INIP: variants seen among roughly 807,000 people sequenced by gnomAD.
The protein encoded by INIP is INTS3 and NABP interacting protein, also known as SOSS complex subunit C.
Under a neutral mutation model 14.0 loss-of-function variants are expected in INIP, and 9 were observed. That is an observed-to-expected ratio of 0.64 (90% CI 0.39 to 1.12). The LOEUF (loss-of-function observed/expected upper bound fraction) is 1.12, where lower values mean the gene tolerates loss of function less well. Ranked by LOEUF, INIP falls within the 50% of genes most tolerant of loss-of-function variation. The pLI, the probability that INIP is intolerant of heterozygous loss-of-function variation, is 0.01. For missense variants in INIP, 78 were observed against 122.7 expected, an observed-to-expected ratio of 0.64 and a Z score of 1.72; for synonymous variants, 37 against 41.5, an observed-to-expected ratio of 0.89 and a Z score of 0.41.
intron 2 of INIP, 43 bp downstream of exon 2, chr9:112,716,418 A>G: frequency 6.4e-7 from 1 of 1,559,608 alleles, no homozygotes; most frequent in Non-Finnish European, 8.8e-7. Context: ...CATTTACTAT[A>G]TTGGGGAAAT....
At chr9:112,702,711 C>T (rs1243169543) in intron 2 of INIP, among the ~76,000 whole-genome samples, 5 of 152,042 alleles carry the variant, frequency 3.3e-5, no homozygotes, top group South Asian at 2.1e-4. Flanking sequence ...ACTACAGGCA[C>T]GTGCCACCAC....
At chr9:112,716,829 C>T (rs1222747072) in intron 1 of INIP, among the ~76,000 whole-genome samples, 1 of 151,842 alleles carries the variant, frequency 6.6e-6, no homozygotes, top group Admixed American at 6.6e-5. Flanking sequence ...GTGGCAAGCG[C>T]CTGCAGTCCC....
intron 4 of INIP, 50 bp downstream of exon 4, chr9:112,689,477 G>A: frequency 7.1e-7 from 1 of 1,408,134 alleles, no homozygotes; most frequent in Non-Finnish European, 1.0e-6. Context: ...GCCGGCTTCT[G>A]AGATCCAGGA....
intron 2 of INIP, among the ~76,000 whole-genome samples, chr9:112,697,098 T>C (rs758030724): frequency 2.0e-5 from 3 of 152,184 alleles, no homozygotes; most frequent in Non-Finnish European, 4.4e-5. Flanking sequence ...TTGGTTTCCC[T>C]GGCAACCAGC....
At chr9:112,691,231 A>AC (rs1290931395) in intron 3 of INIP, among the ~76,000 whole-genome samples, 3 of 152,240 alleles carry the variant, frequency 2.0e-5, no homozygotes, top group African/African-American at 7.2e-5. Flanking sequence ...TTCAAAGTAT[A>AC]ATCACAAGAG....
chr9:112,709,258 G>A (rs193067514), intron 2 of INIP, among the ~76,000 whole-genome samples: 1 of 151,998 alleles, frequency 6.6e-6, no homozygotes, highest in African/African-American at 2.4e-5. Flanking sequence ...CAATGTAGAC[G>A]ATTAGATTAA....
chr9:112,705,246 GT>G (rs1218035065), intron 2 of INIP, among the ~76,000 whole-genome samples: 2 of 151,154 alleles, frequency 1.3e-5, no homozygotes, highest in African/African-American at 4.9e-5. Flanking sequence ...AATTATAATT[GT>G]AACTTAAACT....
chr9:112,688,085 C>T (rs1588069612), intron 4 of INIP, among the ~76,000 whole-genome samples: 1 of 145,632 alleles, frequency 6.9e-6, no homozygotes, highest in Non-Finnish European at 1.5e-5. Flanking sequence ...GACTCCATCT[C>T]AAATAAATAA....
At position 112,693,028 on chromosome 9, in the gene INIP, C is replaced by CAAAAA. The variant is rs1223728146; in HGVS notation, c.128+1098_128+1102dup. Among the ~76,000 whole-genome samples the CAAAAA allele has an allele frequency of 8.1e-4, 69 of 85,166 alleles. 1 individual carries two copies. The highest frequency in any genetic ancestry group is 1.1e-3 in the Non-Finnish European group (44 of 39,462). The allele number at this position is 85,166 out of a possible 152,430, so 55.9% of individuals were successfully genotyped here. A position where few individuals can be genotyped will look rare whatever the true frequency, so the allele number is the denominator to read the frequency against. On this transcript the variant is annotated intron_variant, in intron 3 of 4. Transcript: ENST00000374242. Reference sequence around the variant, plus strand: ...TAGGTGACAGAGTTAGACCCTGTCTCAAAAAAAAAAAAAAAAAAGTCTGAA... The same window carrying CAAAAA: ...TAGGTGACAGAGTTAGACCCTGTCTCAAAAAAAAAAAAAAAAAAAAAAAGTCTGAA...
At chr9:112,716,355 T>C in intron 2 of INIP, 106 bp downstream of exon 2, 1 of 1,065,020 alleles carries the variant, frequency 9.4e-7, no homozygotes, top group Non-Finnish European at 1.4e-6. Context: ...TATTCATTTT[T>C]TAAATTCTGG....
intron 2 of INIP, 115 bp from the exon 3 acceptor site, chr9:112,694,348 T>C: frequency 1.6e-6 from 1 of 642,520 alleles, no homozygotes; most frequent in Non-Finnish European, 2.7e-6. Flanking sequence ...ACTCCTATTC[T>C]CTAACATGAT....
chr9:112,691,691 GAGCAAATGGA>G lies in INIP; in HGVS notation c.129-2084_129-2075del, dbSNP rs371927590. Among the ~76,000 whole-genome samples, 80 of 152,358 alleles carry G rather than the reference GAGCAAATGGA, an allele frequency of 5.3e-4. No homozygotes were observed. In the South Asian group the frequency reaches 6.4e-3, roughly 12 times the overall value. On this transcript the variant is annotated intron_variant, in intron 3 of 4. Transcript: ENST00000374242. ...CTACTGTGTTTTACATTCTCCGAGT[GAGCAAATGGA>G]AGCCAAGAGAGTACTTTAAGAGAGT...
At chr9:112,711,373 T>C (rs1488606538) in intron 2 of INIP, among the ~76,000 whole-genome samples, 6 of 152,134 alleles carry the variant, frequency 3.9e-5, no homozygotes, top group Non-Finnish European at 5.9e-5. Flanking sequence ...CTAAATTCAT[T>C]TCTATTTAGA....
At chr9:112,688,844 C>CT (rs1837777335) in intron 4 of INIP, among the ~76,000 whole-genome samples, 2 of 151,946 alleles carry the variant, frequency 1.3e-5, no homozygotes, top group African/African-American at 4.8e-5. Context: ...GACCTTGTCT[C>CT]TAAAAAATAG....
Position 112,689,628 on chromosome 9 carries a change from A to C in INIP, c.129-11T>G. On this transcript the variant is annotated splice_polypyrimidine_tract_variant and intron_variant, in intron 3 of 4. Coordinates refer to ENST00000374242, the MANE Select transcript of INIP (RefSeq NM_021218.3). ...CTCGAGAGTGCAATGCTAAAATGGGAATCTTGGTTACTCAGCTGCTTAAGG... is the reference window on the plus strand; with the variant it reads ...CTCGAGAGTGCAATGCTAAAATGGGCATCTTGGTTACTCAGCTGCTTAAGG... 1 of 1,605,060 alleles carries C rather than the reference A, an allele frequency of 6.2e-7. No individual in the cohort carries two copies. Among genetic ancestry groups the C allele is most frequent in the Non-Finnish European group, 8.5e-7 (1 of 1,171,818 alleles).
chr9:112,712,570 T>G (rs991380753), intron 2 of INIP, among the ~76,000 whole-genome samples: 1 of 152,166 alleles, frequency 6.6e-6, no homozygotes, highest in African/African-American at 2.4e-5. Flanking sequence ...ATAAATATGT[T>G]CAAAGACTTA....
Position 112,686,305 on chromosome 9 carries a change from T to C in INIP, c.*1233A>G, listed in dbSNP as rs1014433607. ...ACGAAAATCTGTACAAGATATTTCA[T>C]AGAATTCTCTATCTCATGGTTTTCA... is the stretch of plus-strand genomic sequence containing the variant. On this transcript the variant is annotated 3_prime_UTR_variant, in exon 5 of 5. Coordinates refer to ENST00000374242, the MANE Select transcript of INIP (RefSeq NM_021218.3). 4 of 152,186 alleles carry C rather than the reference T, an allele frequency of 2.6e-5. No homozygotes were observed. Among genetic ancestry groups the C allele is most frequent in the African/African-American group, 9.6e-5 (4 of 41,458 alleles). 9.4% of individuals were successfully genotyped at this position (152,186 alleles called of 1,614,324 possible). A position where few individuals can be genotyped will look rare whatever the true frequency, so the allele number is the denominator to read the frequency against.
intron 2 of INIP, among the ~76,000 whole-genome samples, chr9:112,713,430 T>C (rs1052555168): frequency 1.3e-5 from 2 of 152,204 alleles, no homozygotes; most frequent in Admixed American, 6.5e-5. Context: ...TGGTGGCTCA[T>C]GCCTGTAATC....
chr9:112,694,998 T>C (rs1034298130), intron 2 of INIP, among the ~76,000 whole-genome samples: 8 of 152,188 alleles, frequency 5.3e-5, no homozygotes, highest in Non-Finnish European at 8.8e-5. Flanking sequence ...CATGTAAACA[T>C]TGAGAAACTG....
Sources: allele counts gnomAD v4.1 joint callset (sites outside exome capture counted in the v4.1 genomes callset), GRCh38; gene constraint gnomAD v4.1.1; transcripts MANE v1.5; gene names NCBI Gene and HGNC (gene_info 2026-07-23, HGNC 2026-07-21).